The following RHOBTB3 variants were observed in gnomAD, a reference collection of about 807,000 sequenced individuals.
The protein encoded by RHOBTB3 is rho-related BTB domain-containing protein 3.
Under a neutral mutation model 67.2 loss-of-function variants are expected in RHOBTB3, and 47 were observed. The observed-to-expected ratio is 0.70, with a 90% CI of 0.55 to 0.89. The LOEUF is 0.89. Among genes scored for constraint, RHOBTB3 ranks in the 40% least tolerant of loss-of-function variants. The pLI, the probability that RHOBTB3 is intolerant of heterozygous loss-of-function variation, is 0.00. For synonymous variants in RHOBTB3, 273 were observed against 274.2 expected, an observed-to-expected ratio of 1.00 and a Z score of 0.04; for missense variants, 631 against 750.0, an observed-to-expected ratio of 0.84 and a Z score of 1.85.
rs76881960 is a variant in RHOBTB3 at position 95,793,558 on chromosome 5, G to A, written c.*384G>A. The A allele has an allele frequency of 0.02, 3,226 of 164,942 alleles. 51 individuals carry two copies. Among genetic ancestry groups the A allele is most frequent in the Middle Eastern group, 0.04 (13 of 328 alleles). 10.2% of individuals were successfully genotyped at this position (164,942 alleles called of 1,614,324 possible). Reference sequence around the variant, plus strand: ...ATTAATTGCTCTATTAAAATAAGGGGCATTTAAAGACCCAGCATAACCATT... The same window carrying A: ...ATTAATTGCTCTATTAAAATAAGGGACATTTAAAGACCCAGCATAACCATT... On this transcript the variant is annotated 3_prime_UTR_variant, in exon 12 of 12. Transcript: ENST00000379982.
Position 95,745,177 on chromosome 5 carries a change from C to T in RHOBTB3, c.416-3156C>T, listed in dbSNP as rs142351024. On this transcript the variant is annotated intron_variant, in intron 3 of 11. Transcript: ENST00000379982. Reference sequence around the variant, plus strand: ...CCCCCAACTCCTAGGTTCAAGGGATCCTCCCACCTCAGCCTTCCAAGTAGC... The same window carrying T: ...CCCCCAACTCCTAGGTTCAAGGGATTCTCCCACCTCAGCCTTCCAAGTAGC... Among the ~76,000 whole-genome samples, 605 of 152,134 alleles carry T rather than the reference C, an allele frequency of 4.0e-3. 2 individuals are homozygous for T. Among genetic ancestry groups the T allele is most frequent in the African/African-American group, 0.014 (586 of 41,500 alleles).
At chr5:95,771,491 C>T (rs1417302774) in intron 8 of RHOBTB3, among the ~76,000 whole-genome samples, 1 of 152,158 alleles carries the variant, frequency 6.6e-6, no homozygotes, top group African/African-American at 2.4e-5. Context: ...GAAAGTAGGG[C>T]AGCAAGAGTG....
At chr5:95,756,289 T>C (rs1444478034) in intron 6 of RHOBTB3, among the ~76,000 whole-genome samples, 1 of 152,246 alleles carries the variant, frequency 6.6e-6, no homozygotes, top group Non-Finnish European at 1.5e-5. Flanking sequence ...TGTATTTTAC[T>C]TAGCATAATG....
At position 95,763,516 on chromosome 5, in the gene RHOBTB3, C is replaced by T. The variant is rs749886141; in HGVS notation, c.1057C>T (p.Gln353Ter). Residue 353 changes from glutamine to a stop codon, truncating the protein, a stop_gained, in exon 7 of 12, where the codon CAG becomes TAG. Transcript: ENST00000379982. LOFTEE classifies it high-confidence loss of function. ...TACTAATTTGTTTACAGGTGCTTTT[C>T]AGTGGGAAGAATTGGAAGAAGATAT... ...ILRFIYSGAF[Q>*]WEELEEDIRK... 3.1e-6 allele frequency: 5 copies of T among 1,606,506 alleles called. No homozygotes were observed. The South Asian group carries it at 3.3e-5, about 11-fold the overall frequency.
Position 95,793,521 on chromosome 5 carries a change from T to G in RHOBTB3, c.*347T>G, listed in dbSNP as rs12515378. The G allele has an allele frequency of 1.6e-3, 270 of 169,796 alleles. 5 individuals are homozygous for G. Among genetic ancestry groups the G allele is most frequent in the Admixed American group, 0.012 (209 of 16,734 alleles). The allele number at this position is 169,796 out of a possible 1,614,324, so 10.5% of individuals were successfully genotyped here. Reference sequence around the variant, plus strand: ...ATTACGTAGGATTAATACAGAAATTTAATCATGTCTGATTAATTGCTCTAT... The same window carrying G: ...ATTACGTAGGATTAATACAGAAATTGAATCATGTCTGATTAATTGCTCTAT... On this transcript the variant is annotated 3_prime_UTR_variant, in exon 12 of 12. Transcript: ENST00000379982.
At chr5:95,777,732 A>C (rs1378033931) in intron 8 of RHOBTB3, among the ~76,000 whole-genome samples, 3 of 152,236 alleles carry the variant, frequency 2.0e-5, no homozygotes, top group Non-Finnish European at 4.4e-5. Flanking sequence ...TAGTTTAAAG[A>C]GGTGAAAAAC....
In RHOBTB3 at chr5:95,793,358, T is replaced by C. The variant is rs1167561967; in HGVS notation, c.*184T>C. Reference sequence around the variant, plus strand: ...ACTGTGGTCTTAAAAGGGAACAAAATATACCATAGGCTAAAACTAAGGCTT... The same window carrying C: ...ACTGTGGTCTTAAAAGGGAACAAAACATACCATAGGCTAAAACTAAGGCTT... On this transcript the variant is annotated 3_prime_UTR_variant, in exon 12 of 12. Transcript: ENST00000379982. 1 of 455,448 alleles carries C rather than the reference T, an allele frequency of 2.2e-6. No individual in the cohort carries two copies. The highest frequency in any genetic ancestry group is 3.9e-6 in the Non-Finnish European group (1 of 258,098). 28.2% of individuals were successfully genotyped at this position (455,448 alleles called of 1,614,324 possible). A position where few individuals can be genotyped will look rare whatever the true frequency, so the allele number is the denominator to read the frequency against.
chr5:95,778,665 A>ATGCTTC (rs1400608727), intron 8 of RHOBTB3, among the ~76,000 whole-genome samples: 1 of 152,258 alleles, frequency 6.6e-6, no homozygotes, highest in Non-Finnish European at 1.5e-5. Context: ...TATTTAAGTC[A>ATGCTTC]TGCTTCTAAT....
At chr5:95,779,617 C>G (rs1295586396) in intron 8 of RHOBTB3, among the ~76,000 whole-genome samples, 1 of 152,198 alleles carries the variant, frequency 6.6e-6, no homozygotes, top group Admixed American at 6.5e-5. Context: ...GCTCTCCCAG[C>G]AGCAGGCATT....
At chr5:95,791,864 A>G (rs1248264385) in intron 11 of RHOBTB3, among the ~76,000 whole-genome samples, 1 of 151,994 alleles carries the variant, frequency 6.6e-6, no homozygotes, top group Non-Finnish European at 1.5e-5. Context: ...GGTCTTTATG[A>G]TCTATATCTT....
At chr5:95,755,852 A>G in intron 6 of RHOBTB3, 91 bp downstream of exon 6, 1 of 1,288,762 alleles carries the variant, frequency 7.8e-7, no homozygotes, top group Non-Finnish European at 1.1e-6. Flanking sequence ...GGTTAGTTTT[A>G]CAGTGGTCTT....
At chr5:95,734,192 T>C (rs1365817006) in intron 2 of RHOBTB3, among the ~76,000 whole-genome samples, 1 of 152,214 alleles carries the variant, frequency 6.6e-6, no homozygotes, top group Non-Finnish European at 1.5e-5. Context: ...TCAAGATTTA[T>C]ACAACTACAG....
At chr5:95,719,445 T>C (rs1229443650) in intron 1 of RHOBTB3, among the ~76,000 whole-genome samples, 3 of 152,160 alleles carry the variant, frequency 2.0e-5, no homozygotes, top group African/African-American at 4.8e-5. Flanking sequence ...GCTGGGCCTG[T>C]AATAAGGATA....
Position 95,767,372 on chromosome 5 carries a change from C to T in RHOBTB3, c.1162-674C>T, listed in dbSNP as rs370360384. On this transcript the variant is annotated intron_variant, in intron 7 of 11. Transcript: ENST00000379982. ...TTTTTTTTGGAGACAGGGTTTCACT[C>T]TGTTGCCCAGGCTGGAGTGCAGTGG... 1.2e-3 allele frequency among the ~76,000 whole-genome samples: 175 copies of T among 150,852 alleles called. No homozygotes were observed. In the Middle Eastern group the frequency reaches 0.014, roughly 12 times the overall value.
chr5:95,720,807 A>G (rs1031998585), intron 1 of RHOBTB3, among the ~76,000 whole-genome samples: 3 of 152,226 alleles, frequency 2.0e-5, no homozygotes, highest in Admixed American at 2.0e-4. Flanking sequence ...TTTTGCCAAT[A>G]TGACAAGCAT....
chr5:95,731,538 C>G lies in RHOBTB3; in HGVS notation c.-145C>G. 1 of 1,411,282 alleles carries G rather than the reference C, an allele frequency of 7.1e-7. No individual in the cohort carries two copies. The highest frequency in any genetic ancestry group is 9.2e-7 in the Non-Finnish European group (1 of 1,085,622). 87.4% of individuals were successfully genotyped at this position (1,411,282 alleles called of 1,614,324 possible). ...CTGGCGCGGCCCCGGCCCCGCTCTGCGTCGGCCCCGCCGCGGTGGAGGCGC... is the reference window on the plus strand; with the variant it reads ...CTGGCGCGGCCCCGGCCCCGCTCTGGGTCGGCCCCGCCGCGGTGGAGGCGC... On this transcript the variant is annotated 5_prime_UTR_variant, in exon 1 of 12. Coordinates refer to ENST00000379982, the MANE Select transcript of RHOBTB3 (RefSeq NM_014899.4).
chr5:95,732,240 T>G (rs750674152), intron 2 of RHOBTB3, 156 bp downstream of exon 2: 56 of 706,364 alleles, frequency 7.9e-5, no homozygotes, highest in Non-Finnish European at 1.3e-4. Context: ...GTCCTTTGTT[T>G]CACTGGGCAG....
At chr5:95,727,788 A>T (rs1755101838), upstream of RHOBTB3, among the ~76,000 whole-genome samples, 1 of 152,250 alleles carries the variant, frequency 6.6e-6, no homozygotes, top group Non-Finnish European at 1.5e-5. Context: ...ACCATCTGTG[A>T]TATTCTTTTA....
chr5:95,762,290 AAG>A, intron 6 of RHOBTB3, among the ~76,000 whole-genome samples: 1 of 152,220 alleles, frequency 6.6e-6, no homozygotes, highest in Non-Finnish European at 1.5e-5. Flanking sequence ...GCTCAGCTGT[AAG>A]AGCCTGAGAG....
Sources: gnomAD v4.1 joint callset for allele counts (sites outside exome capture counted in the v4.1 genomes callset) on GRCh38, gnomAD v4.1.1 for gene constraint, MANE v1.5 for transcripts, NCBI Gene and HGNC (gene_info 2026-07-23, HGNC 2026-07-21) for gene names.